NCKAP5: variants seen among roughly 807,000 people sequenced by gnomAD.
The protein encoded by NCKAP5 is NCK associated protein 5, also known as nck-associated protein 5.
Under a neutral mutation model 167.0 loss-of-function variants are expected in NCKAP5, and 92 were observed. That is an observed-to-expected ratio of 0.55 (90% CI 0.47 to 0.66). NCKAP5 has a LOEUF of 0.66. Ranked by LOEUF, NCKAP5 falls within the 30% of genes least tolerant of loss-of-function variation. The pLI, the probability that NCKAP5 is intolerant of heterozygous loss-of-function variation, is 0.00. For synonymous variants in NCKAP5, 891 were observed against 877.4 expected (o/e 1.02, Z -0.27); for missense variants, 2,378 against 2,315.0 (o/e 1.03, Z -0.56).
At chr2:133,592,955 T>A in the NCKAP5 span, among the ~76,000 whole-genome samples, 1 of 152,290 alleles carries the variant, frequency 6.6e-6, no homozygotes, top group Admixed American at 6.5e-5. Flanking sequence ...GAAAACAAAG[T>A]ATAAAGTTAT....
chr2:133,272,620 T>G (rs371446134), intron 4 of NCKAP5, among the ~76,000 whole-genome samples: 1 of 152,154 alleles, frequency 6.6e-6, no homozygotes, highest in African/African-American at 2.4e-5. Flanking sequence ...TTTACCCAAG[T>G]TGAATTTGTT....
chr2:132,910,726 A>T (rs1248470010), intron 8 of NCKAP5, among the ~76,000 whole-genome samples: 1 of 152,188 alleles, frequency 6.6e-6, no homozygotes, highest in Non-Finnish European at 1.5e-5. Context: ...GCTACATTGC[A>T]ATTCATTTTT....
In NCKAP5 at chr2:132,785,616, T is replaced by A; in HGVS notation, c.1195A>T (p.Ser399Cys). 1 of 1,567,150 alleles carries A rather than the reference T, an allele frequency of 6.4e-7. No homozygotes were observed. Among genetic ancestry groups the A allele is most frequent in the South Asian group, 1.2e-5 (1 of 81,988 alleles). The change falls in exon 14 of 20, where the codon AGC becomes TGC. Residue 399 changes from serine (S) to cysteine (C), a missense_variant. By Grantham distance (112) the Ser-to-Cys change is moderately radical. Coordinates refer to ENST00000409261, the MANE Select transcript of NCKAP5 (RefSeq NM_207363.3). ...TTTCTTAGCCCTTCCAAAATGTGGC[T>A]TTCCTTGATACGAGTTGGAGGTAGT... ...NELPPTRIKE[S>C]HILEGLRKLQ... is the part of the protein sequence containing the mutation.
chr2:133,219,437 G>C (rs1168606321), intron 4 of NCKAP5, among the ~76,000 whole-genome samples: 1 of 152,178 alleles, frequency 6.6e-6, no homozygotes, highest in Non-Finnish European at 1.5e-5. Flanking sequence ...CAACCTATTA[G>C]ATTATCCAAC....
At chr2:133,319,512 C>T (rs111640382) in intron 3 of NCKAP5, among the ~76,000 whole-genome samples, 32 of 152,158 alleles carry the variant, frequency 2.1e-4, no homozygotes, top group African/African-American at 7.0e-4. Flanking sequence ...ACCATTCAAT[C>T]AGTGGACTAT....
chr2:132,842,845 C>G (rs1012585095), intron 11 of NCKAP5, among the ~76,000 whole-genome samples: 2 of 152,080 alleles, frequency 1.3e-5, no homozygotes, highest in Non-Finnish European at 2.9e-5. Flanking sequence ...CACCCAATTT[C>G]CATTTTTTCT....
At chr2:133,044,397 A>G (rs1005764832) in intron 6 of NCKAP5, among the ~76,000 whole-genome samples, 1 of 152,194 alleles carries the variant, frequency 6.6e-6, no homozygotes, top group Admixed American at 6.5e-5. Flanking sequence ...CAAACAATCC[A>G]AGGAAAATAT....
chr2:132,799,864 C>T (rs1056008852), intron 11 of NCKAP5, among the ~76,000 whole-genome samples: 2 of 152,146 alleles, frequency 1.3e-5, no homozygotes, highest in South Asian at 2.1e-4. Flanking sequence ...ATGATCCAAT[C>T]AGGGTAACTG....
chr2:132,941,940 T>C (rs564582685), intron 8 of NCKAP5, among the ~76,000 whole-genome samples: 2 of 152,278 alleles, frequency 1.3e-5, no homozygotes, highest in African/African-American at 4.8e-5. Flanking sequence ...GCAAAAATAT[T>C]TTAGCATCTT....
chr2:132,758,248 T>C (rs928775196), intron 16 of NCKAP5, among the ~76,000 whole-genome samples: 5 of 152,102 alleles, frequency 3.3e-5, no homozygotes, highest in African/African-American at 1.2e-4. Context: ...GTGGAATGAG[T>C]GTGTGGATCA....
At chr2:133,229,637 A>G (rs1204882295) in intron 4 of NCKAP5, among the ~76,000 whole-genome samples, 1 of 152,204 alleles carries the variant, frequency 6.6e-6, no homozygotes. Context: ...TTGAAAATAA[A>G]GTACAGAGAG....
chr2:132,920,771 G>GTATGTATGTATGTGTA lies in NCKAP5; in HGVS notation c.580-41856_580-41855insTACACATACATACATA, dbSNP rs1553479343. Among the ~76,000 whole-genome samples the GTATGTATGTATGTGTA allele has an allele frequency of 3.3e-3, 104 of 31,574 alleles. 11 individuals carry two copies. Among genetic ancestry groups the GTATGTATGTATGTGTA allele is most frequent in the African/African-American group, 0.011 (98 of 9,060 alleles). The allele number at this position is 31,574 out of a possible 152,430, so 20.7% of individuals were successfully genotyped here. ...TATATATATATGTATATATATGTAT[G>GTATGTATGTATGTGTA]TATATATATATATATATATATATAT... is the stretch of plus-strand genomic sequence containing the variant. On this transcript the variant is annotated intron_variant, in intron 8 of 19. Coordinates refer to ENST00000409261, the MANE Select transcript of NCKAP5 (RefSeq NM_207363.3).
intron 6 of NCKAP5, among the ~76,000 whole-genome samples, chr2:133,065,212 A>T (rs1039872514): frequency 3.3e-5 from 5 of 152,230 alleles, no homozygotes; most frequent in Admixed American, 2.0e-4. Flanking sequence ...GAATACTTCC[A>T]CATTAGAAGG....
chr2:132,820,811 G>T (rs966576679), intron 11 of NCKAP5, among the ~76,000 whole-genome samples: 2 of 152,140 alleles, frequency 1.3e-5, no homozygotes, highest in South Asian at 2.1e-4. Flanking sequence ...ACATACAAGG[G>T]TTTATTTTCC....
At chr2:133,191,815 T>G (rs1443234480) in intron 5 of NCKAP5, among the ~76,000 whole-genome samples, 1 of 152,014 alleles carries the variant, frequency 6.6e-6, no homozygotes, top group Non-Finnish European at 1.5e-5. Flanking sequence ...ATATACCTAA[T>G]GTAAATGATG....
the NCKAP5 span, among the ~76,000 whole-genome samples, chr2:133,599,966 A>G: frequency 6.6e-6 from 1 of 152,228 alleles, no homozygotes; most frequent in African/African-American, 2.4e-5. Flanking sequence ...GCGAATGCCA[A>G]AAGATTTCTG....
intron 6 of NCKAP5, among the ~76,000 whole-genome samples, chr2:133,011,846 A>G (rs1311919646): frequency 1.3e-5 from 2 of 152,218 alleles, no homozygotes; most frequent in Non-Finnish European, 2.9e-5. Flanking sequence ...CATACTCTTC[A>G]GGGGAATTCA....
At chr2:133,570,421 GT>G (rs761349060), upstream of NCKAP5, among the ~76,000 whole-genome samples, 1 of 152,160 alleles carries the variant, frequency 6.6e-6, no homozygotes, top group Non-Finnish European at 1.5e-5. Flanking sequence ...CAAGAAAGAG[GT>G]ATTGATTGAA....
intron 8 of NCKAP5, among the ~76,000 whole-genome samples, chr2:132,888,564 A>AT (rs1692437047): frequency 6.6e-6 from 1 of 151,714 alleles, no homozygotes; most frequent in Non-Finnish European, 1.5e-5. Context: ...TCATTTTTGT[A>AT]TTTTTTAGTA....
Sources: allele counts gnomAD v4.1 joint callset (sites outside exome capture counted in the v4.1 genomes callset), GRCh38; gene constraint gnomAD v4.1.1; transcripts MANE v1.5; gene names NCBI Gene and HGNC (gene_info 2026-07-23, HGNC 2026-07-21).